Variants in SLCO5A1 observed in about 807,000 individuals in gnomAD.
The protein encoded by SLCO5A1 is organic anion transporter polypeptide-related protein 4.
Under a neutral mutation model 65.1 loss-of-function variants are expected in SLCO5A1, and 39 were observed. The observed-to-expected ratio is 0.60, with a 90% CI of 0.46 to 0.78. SLCO5A1 has a LOEUF of 0.78. Ranked by LOEUF, SLCO5A1 falls within the 30% of genes least tolerant of loss-of-function variation. The probability of loss-of-function intolerance (pLI) is 0.00; values close to 1 mark genes in which losing one functional copy is unlikely to be tolerated. For synonymous variants in SLCO5A1, 438 were observed against 415.7 expected, an observed-to-expected ratio of 1.05 and a Z score of -0.65; for missense variants, 1,029 against 1,069.4, an observed-to-expected ratio of 0.96 and a Z score of 0.53.
At chr8:69,720,786 T>C (rs2130826288) in intron 5 of SLCO5A1, among the ~76,000 whole-genome samples, 1 of 152,376 alleles carries the variant, frequency 6.6e-6, no homozygotes, top group African/African-American at 2.4e-5. Context: ...CAATGACTAC[T>C]CTTTTTTTTC....
chr8:69,792,557 C>G (rs1327621941), intron 2 of SLCO5A1, among the ~76,000 whole-genome samples: 2 of 152,102 alleles, frequency 1.3e-5, no homozygotes, highest in Admixed American at 1.3e-4. Flanking sequence ...ATTTGTCTGG[C>G]TTTACTATGT....
intron 6 of SLCO5A1, among the ~76,000 whole-genome samples, chr8:69,694,600 C>G (rs1814418938): frequency 6.6e-6 from 1 of 152,162 alleles, no homozygotes; most frequent in Non-Finnish European, 1.5e-5. Flanking sequence ...TAGCTCACAC[C>G]CTGCTTGGAG....
rs200332348 is a variant in SLCO5A1 at position 69,715,348 on chromosome 8, T to G, written c.1424-10119A>C. Among the ~76,000 whole-genome samples, 8 of 152,366 alleles carry G rather than the reference T, an allele frequency of 5.3e-5. No individual in the cohort carries two copies. The East Asian group carries it at 1.2e-3, about 22-fold the overall frequency. ...CGACGTTGGTATCAATTTTCTGTAC[T>G]GGGTTTCCATTCATACAAGTAAAGC... On this transcript the variant is annotated intron_variant, in intron 5 of 9. Coordinates refer to ENST00000260126, the MANE Select transcript of SLCO5A1 (RefSeq NM_030958.3).
chr8:69,758,256 G>A (rs1392121395), intron 3 of SLCO5A1, among the ~76,000 whole-genome samples: 1 of 152,066 alleles, frequency 6.6e-6, no homozygotes, highest in East Asian at 1.9e-4. Flanking sequence ...GCACGATCAT[G>A]GCTAACTGCA....
At position 69,688,925 on chromosome 8, in the gene SLCO5A1, C is replaced by A. The variant is rs1295876125; in HGVS notation, c.1623-6582G>T. Among the ~76,000 whole-genome samples the A allele has an allele frequency of 2.5e-3, 387 of 152,162 alleles. 3 individuals carry two copies. Among genetic ancestry groups the A allele is most frequent in the Non-Finnish European group, 4.4e-3 (299 of 68,010 alleles). ...GAGGAATTGCCACACTGACTTCCAC[C>A]ATGGTTGAACTAGTTTACAGTCCCA... On this transcript the variant is annotated intron_variant, in intron 6 of 9. Coordinates refer to ENST00000260126, the MANE Select transcript of SLCO5A1 (RefSeq NM_030958.3).
At chr8:69,784,888 A>G (rs1818966417) in intron 2 of SLCO5A1, among the ~76,000 whole-genome samples, 18 of 119,280 alleles carry the variant, frequency 1.5e-4, no homozygotes, top group African/African-American at 5.5e-4. Flanking sequence ...AGAAAGAAAG[A>G]AGAAAGGAAG....
intron 5 of SLCO5A1, 129 bp from the exon 6 acceptor site, chr8:69,705,358 T>C: frequency 1.4e-6 from 1 of 716,992 alleles, no homozygotes; most frequent in Non-Finnish European, 2.3e-6. Context: ...ACATCTTCAT[T>C]GTGTGTGATT....
intron 4 of SLCO5A1, among the ~76,000 whole-genome samples, chr8:69,739,493 T>C (rs1330838190): frequency 1.3e-5 from 2 of 152,184 alleles, no homozygotes; most frequent in African/African-American, 4.8e-5. Context: ...TGTATTATTT[T>C]TGGCAATACA....
At chr8:69,772,880 C>CTGATGCAT (rs929146065) in intron 2 of SLCO5A1, 144 of 973,934 alleles carry the variant, frequency 1.5e-4, no homozygotes, top group Non-Finnish European at 1.5e-4. Context: ...GTGAACAAAA[C>CTGATGCAT]TGATGCATTT....
At position 69,672,143 on chromosome 8, in the gene SLCO5A1, A is replaced by G. The variant is rs11989109; in HGVS notation, c.*726T>C. The stretch of plus-strand genomic sequence containing the variant: ...AGTTTATATTTAAGCTATCAGATTT[A>G]TGATTCAGCAGCCTCTTTATCTTAG... On this transcript the variant is annotated 3_prime_UTR_variant, in exon 10 of 10. Coordinates refer to ENST00000260126, the MANE Select transcript of SLCO5A1 (RefSeq NM_030958.3). The G allele has an allele frequency of 0.82, 124,869 of 152,216 alleles. 52,054 individuals carry two copies. The highest frequency in any genetic ancestry group is 0.9 in the Non-Finnish European group (61,157 of 68,036). The allele number at this position is 152,216 out of a possible 1,614,324, so 9.4% of individuals were successfully genotyped here. A position where few individuals can be genotyped will look rare whatever the true frequency, so the allele number is the denominator to read the frequency against.
intron 3 of SLCO5A1, among the ~76,000 whole-genome samples, chr8:69,758,536 A>C (rs1817621622): frequency 6.6e-6 from 1 of 152,182 alleles, no homozygotes; most frequent in East Asian, 1.9e-4. Flanking sequence ...CCAGCCATTA[A>C]CTTAAGATTA....
At chr8:69,757,616 T>C (rs1586764213) in intron 3 of SLCO5A1, among the ~76,000 whole-genome samples, 1 of 152,272 alleles carries the variant, frequency 6.6e-6, no homozygotes, top group Non-Finnish European at 1.5e-5. Flanking sequence ...GAGGCAGAGG[T>C]TGCAGTGAGC....
At chr8:69,798,890 C>G (rs892416120) in intron 2 of SLCO5A1, among the ~76,000 whole-genome samples, 1 of 152,180 alleles carries the variant, frequency 6.6e-6, no homozygotes, top group Non-Finnish European at 1.5e-5. Flanking sequence ...TTATAGTTAT[C>G]TTAATGTTAT....
At chr8:69,742,495 T>C (rs1164642812) in intron 4 of SLCO5A1, among the ~76,000 whole-genome samples, 1 of 152,164 alleles carries the variant, frequency 6.6e-6, no homozygotes, top group Non-Finnish European at 1.5e-5. Flanking sequence ...TAAACAGTAG[T>C]AAAGTAGGAA....
intron 6 of SLCO5A1, among the ~76,000 whole-genome samples, chr8:69,698,763 C>T (rs539168211): frequency 6.6e-6 from 1 of 152,308 alleles, no homozygotes; most frequent in Admixed American, 6.5e-5. Context: ...TGTGAAAGAA[C>T]AAAGATGCTT....
intron 2 of SLCO5A1, among the ~76,000 whole-genome samples, chr8:69,784,861 A>AAGAAAGAAAGAAAGAAAGAAAGAG (rs1376200828): frequency 3.0e-5 from 4 of 135,416 alleles, no homozygotes; most frequent in African/African-American, 1.1e-4. Context: ...GAAAGAAAGA[A>AAGAAAGAAAGAAAGAAAGAAAGAG]AGGGAAGGAA....
chr8:69,802,146 C>T (rs531615487), intron 2 of SLCO5A1, among the ~76,000 whole-genome samples: 1 of 152,176 alleles, frequency 6.6e-6, no homozygotes, highest in Non-Finnish European at 1.5e-5. Context: ...TATCTCTCTC[C>T]TGGAGATTAA....
At chr8:69,738,337 G>T in intron 4 of SLCO5A1, 133 bp from the exon 5 acceptor site, 3 of 781,264 alleles carry the variant, frequency 3.8e-6, no homozygotes, top group Non-Finnish European at 1.9e-6. Flanking sequence ...AAAATAGAAA[G>T]ATCTGATGAC....
intron 2 of SLCO5A1, among the ~76,000 whole-genome samples, chr8:69,790,298 T>C (rs890932702): frequency 6.6e-6 from 1 of 151,898 alleles, no homozygotes; most frequent in African/African-American, 2.4e-5. Context: ...TATTTCACAC[T>C]GCATGCCTGT....
Sources: allele counts gnomAD v4.1 joint callset (sites outside exome capture counted in the v4.1 genomes callset), GRCh38; gene constraint gnomAD v4.1.1; transcripts MANE v1.5; gene names NCBI Gene and HGNC (gene_info 2026-07-23, HGNC 2026-07-21).